The following FLT1 variants were observed in gnomAD, a reference collection of about 807,000 sequenced individuals.
FLT1 encodes fms related receptor tyrosine kinase 1.
Under a neutral mutation model 156.3 loss-of-function variants are expected in FLT1, and 49 were observed. That is an observed-to-expected ratio of 0.31 (90% CI 0.25 to 0.40). FLT1 has a LOEUF of 0.40. Among genes scored for constraint, FLT1 ranks in the 10% least tolerant of loss-of-function variants. The probability of loss-of-function intolerance (pLI) is 1.00; values close to 1 mark genes in which losing one functional copy is unlikely to be tolerated. For missense variants in FLT1, 1,322 were observed against 1,637.2 expected (o/e 0.81, Z 3.32); for synonymous variants, 594 against 583.8 (o/e 1.02, Z -0.25).
At chr13:28,404,732 AATC>A (rs1385272112) in intron 11 of FLT1, among the ~76,000 whole-genome samples, 1 of 152,160 alleles carries the variant, frequency 6.6e-6, no homozygotes, top group Non-Finnish European at 1.5e-5. Flanking sequence ...TTTTTAAAAG[AATC>A]ATGGCTGGGT....
intron 17 of FLT1, among the ~76,000 whole-genome samples, chr13:28,335,765 T>C (rs575423563): frequency 1.8e-4 from 28 of 152,344 alleles, no homozygotes; most frequent in African/African-American, 6.7e-4. Context: ...TCCCAGAGCA[T>C]GCAACACGGG....
chr13:28,438,080 T>G, intron 4 of FLT1, 141 bp downstream of exon 4: 1 of 760,378 alleles, frequency 1.3e-6, no homozygotes, highest in Admixed American at 2.0e-5. Context: ...CTATTCCTTA[T>G]AGTAAAAGGA....
At chr13:28,319,350 C>T in intron 24 of FLT1, 73 bp downstream of exon 24, 1 of 1,033,094 alleles carries the variant, frequency 9.7e-7, no homozygotes, top group Non-Finnish European at 1.5e-6. Flanking sequence ...GGCTGTCTAA[C>T]CAAAGGACAT....
chr13:28,387,349 C>T (rs1208909471), intron 13 of FLT1: 1 of 1,047,804 alleles, frequency 9.5e-7, no homozygotes, highest in Non-Finnish European at 1.2e-6. Flanking sequence ...TCAATTCTTA[C>T]TTTATACATT....
At position 28,427,249 on chromosome 13, in the gene FLT1, C is replaced by T. The variant is rs968504707; in HGVS notation, c.1346G>A (p.Arg449Lys). Residue 449 changes from arginine to lysine, a missense_variant, in exon 10 of 30, where the codon AGA (arginine) becomes AAA (lysine). Arg to Lys is a conservative substitution (Grantham distance 26). This residue lies in a region of FLT1 where 991 missense variants were observed against 1,254.8 expected (regional missense o/e 0.79). Transcript: ENST00000282397. ...ATATGCGGTACAAGTCAGGATTTGTCTGCTGCCCAGTGGGTAGAGAGCCGG... is the reference window on the plus strand; with the variant it reads ...ATATGCGGTACAAGTCAGGATTTGTTTGCTGCCCAGTGGGTAGAGAGCCGG... ...PDPALYPLGS[R>K]QILTCTAYGI... 1.2e-6 allele frequency: 2 copies of T among 1,613,828 alleles called. No individual in the cohort carries two copies. The highest frequency in any genetic ancestry group is 2.7e-5 in the African/African-American group (2 of 74,904).
chr13:28,419,894 A>T (rs928023605), intron 10 of FLT1, among the ~76,000 whole-genome samples: 2 of 152,190 alleles, frequency 1.3e-5, no homozygotes, highest in Non-Finnish European at 2.9e-5. Context: ...AAAAAACAAA[A>T]AACATCCCGC....
intron 1 of FLT1, among the ~76,000 whole-genome samples, chr13:28,476,371 A>T (rs1880546727): frequency 6.6e-6 from 1 of 152,202 alleles, no homozygotes; most frequent in Non-Finnish European, 1.5e-5. Context: ...CTAATCCCTT[A>T]TGCAGATAAG....
At chr13:28,306,638 C>A in intron 29 of FLT1, 40 bp downstream of exon 29, 1 of 1,376,002 alleles carries the variant, frequency 7.3e-7, no homozygotes, top group South Asian at 1.2e-5. Context: ...CCCTCGTACC[C>A]CTCCATCAAC....
chr13:28,329,866 A>G, intron 18 of FLT1, 138 bp from the exon 19 acceptor site: 7 of 733,612 alleles, frequency 9.5e-6, no homozygotes, highest in Non-Finnish European at 1.7e-5. Context: ...AGAAAGGCCA[A>G]GTCTCCAGAC....
chr13:28,345,478 G>C lies in FLT1; in HGVS notation c.2322C>G (p.Leu774=), dbSNP rs368770731. The change falls in exon 16 of 30, where the codon CTC becomes CTG. Residue 774 remains leucine (L), a synonymous_variant. Coordinates refer to ENST00000282397, the MANE Select transcript of FLT1 (RefSeq NM_002019.4). ...TTTTTCGGATAAAGAGGGTTAATAG[G>C]AGCCAGAAGAGAGTCGCAGCCACAC... ...CTCVAATLFW[L]LLTLFIRKMK... 1 of 1,612,408 alleles carries C rather than the reference G, an allele frequency of 6.2e-7. No individual in the cohort carries two copies.
intron 14 of FLT1, among the ~76,000 whole-genome samples, chr13:28,366,954 T>C (rs1310462886): frequency 6.6e-6 from 1 of 152,182 alleles, no homozygotes; most frequent in African/African-American, 2.4e-5. Context: ...CAGTGTCTAG[T>C]GCAGGCCGAT....
At chr13:28,319,081 C>T (rs558552110) in intron 24 of FLT1, among the ~76,000 whole-genome samples, 1 of 152,118 alleles carries the variant, frequency 6.6e-6, no homozygotes, top group East Asian at 1.9e-4. Context: ...GCGGTAAGGG[C>T]ATTAGAGGTG....
intron 3 of FLT1, among the ~76,000 whole-genome samples, chr13:28,445,030 T>C (rs1241714476): frequency 6.6e-6 from 1 of 152,072 alleles, no homozygotes; most frequent in Non-Finnish European, 1.5e-5. Flanking sequence ...AAGATTATAG[T>C]AGAAATTAAA....
At chr13:28,492,946 T>TA (rs879903724) in intron 1 of FLT1, among the ~76,000 whole-genome samples, 104 of 138,654 alleles carry the variant, frequency 7.5e-4, no homozygotes, top group African/African-American at 1.3e-3. Context: ...AAAGTGCAAA[T>TA]AAAAAAAAAA....
At chr13:28,437,433 C>A (rs9513115) in intron 4 of FLT1, among the ~76,000 whole-genome samples, 116,120 of 152,026 alleles carry the variant, frequency 0.76, 44,517 homozygotes, top group Non-Finnish European at 0.78. Flanking sequence ...CTCTGTGATG[C>A]ACTGTGCGAG....
At chr13:28,328,575 C>G (rs143658742) in intron 19 of FLT1, among the ~76,000 whole-genome samples, 13 of 152,202 alleles carry the variant, frequency 8.5e-5, no homozygotes, top group African/African-American at 3.1e-4. Context: ...TCTCTTAGTA[C>G]GAGGAACACG....
At chr13:28,394,772 G>T (rs1051992995) in intron 12 of FLT1, among the ~76,000 whole-genome samples, 3 of 152,182 alleles carry the variant, frequency 2.0e-5, no homozygotes, top group African/African-American at 7.2e-5. Context: ...CCGACAGCCT[G>T]TGTCACTCCA....
intron 15 of FLT1, among the ~76,000 whole-genome samples, chr13:28,352,858 T>A (rs995002565): frequency 2.0e-5 from 3 of 152,080 alleles, no homozygotes; most frequent in Non-Finnish European, 2.9e-5. Context: ...AGAGAGGAGC[T>A]AACGTGGAGG....
At chr13:28,488,961 A>G (rs1047706111) in intron 1 of FLT1, among the ~76,000 whole-genome samples, 7 of 152,190 alleles carry the variant, frequency 4.6e-5, no homozygotes, top group South Asian at 2.1e-4. Flanking sequence ...TAAAAATTGT[A>G]TAACACGCTG....
Sources: allele counts gnomAD v4.1 joint callset (sites outside exome capture counted in the v4.1 genomes callset), GRCh38; gene constraint gnomAD v4.1.1; regional missense constraint gnomAD v4.1.1; transcripts MANE v1.5; gene names NCBI Gene and HGNC (gene_info 2026-07-23, HGNC 2026-07-21).